The following PRRC2B variants were observed in gnomAD, a reference collection of about 807,000 sequenced individuals.
The protein encoded by PRRC2B is protein PRRC2B.
Under a neutral mutation model 242.3 loss-of-function variants are expected in PRRC2B, and 68 were observed. That is an observed-to-expected ratio of 0.28 (90% CI 0.23 to 0.34). The LOEUF is 0.34. PRRC2B is among the 10% of genes least tolerant of loss of function. The pLI, the probability that PRRC2B is intolerant of heterozygous loss-of-function variation, is 1.00. For synonymous variants in PRRC2B, 1,228 were observed against 1,173.6 expected (o/e 1.05, Z -0.95); for missense variants, 2,835 against 2,954.8 (o/e 0.96, Z 0.94).
intron 11 of PRRC2B, among the ~76,000 whole-genome samples, chr9:131,462,006 C>T (rs1204961366): frequency 6.6e-6 from 1 of 152,182 alleles, no homozygotes; most frequent in Non-Finnish European, 1.5e-5. Flanking sequence ...AATTATTCTG[C>T]AGTTAATCCA....
intron 1 of PRRC2B, among the ~76,000 whole-genome samples, chr9:131,419,752 A>C (rs1033270288): frequency 6.6e-6 from 1 of 151,204 alleles, no homozygotes; most frequent in Non-Finnish European, 1.5e-5. Context: ...CACAGTGTGG[A>C]GTGGAGGCGA....
intron 1 of PRRC2B, among the ~76,000 whole-genome samples, chr9:131,405,230 T>G (rs1276253658): frequency 6.6e-6 from 1 of 151,988 alleles, no homozygotes; most frequent in East Asian, 1.9e-4. Context: ...TTGCTCTGGG[T>G]GTCTTGTTAG....
intron 1 of PRRC2B, among the ~76,000 whole-genome samples, chr9:131,420,474 T>TTTCTTTCTTTCTTTCC (rs1564278551): frequency 1.6e-4 from 2 of 12,162 alleles, no homozygotes; most frequent in African/African-American, 3.5e-4. Flanking sequence ...TCTTTCTTTC[T>TTTCTTTCTTTCTTTCC]TTCTTTCTTT....
chr9:131,402,145 G>A (rs1180427155), intron 1 of PRRC2B, among the ~76,000 whole-genome samples: 1 of 152,062 alleles, frequency 6.6e-6, no homozygotes, highest in African/African-American at 2.4e-5. Context: ...TAGGAGAAAC[G>A]GAGTTTCGCC....
chr9:131,488,072 G>T lies in PRRC2B; in HGVS notation c.6201G>T (p.Gln2067His), dbSNP rs1944077078. The stretch of plus-strand genomic sequence containing the variant: ...AGGCTGCTGGCCTGGGTGCCTCCCA[G>T]ATGTTGGACTCCCAGCTCCCACAGG... Reference protein sequence around the residue: ...LSQAAGLGASQMLDSQLPQLT... With the variant: ...LSQAAGLGASHMLDSQLPQLT... The change falls in exon 28 of 32, where the codon CAG (glutamine) becomes CAT (histidine). Residue 2067 changes from glutamine to histidine, a missense_variant. By Grantham distance (24) the Gln-to-His change is conservative. Coordinates refer to ENST00000683519, the MANE Select transcript of PRRC2B (RefSeq NM_013318.4). 8 of 1,613,250 alleles carry T rather than the reference G, an allele frequency of 5.0e-6. No individual in the cohort carries two copies. Among genetic ancestry groups the T allele is most frequent in the Non-Finnish European group, 6.8e-6 (8 of 1,179,408 alleles).
rs1265808762 is a variant in PRRC2B at position 131,470,864 on chromosome 9, A to G, written c.1988A>G (p.His663Arg). 2 of 1,594,238 alleles carry G rather than the reference A, an allele frequency of 1.3e-6. No homozygotes were observed. Among genetic ancestry groups the G allele is most frequent in the Non-Finnish European group, 1.7e-6 (2 of 1,168,694 alleles). ...PSHPQRTFYPHHPQMLGFDPR... is the reference protein window; with the variant it reads ...PSHPQRTFYPRHPQMLGFDPR... ...CACCCCCAGCGCACCTTTTACCCAC[A>G]CCACCCCCAGATGTTGGGCTTCGAT... The change falls in exon 14 of 32, where the codon CAC becomes CGC. Residue 663 changes from histidine to arginine, a missense_variant. This residue lies in a region of PRRC2B where 1,536 missense variants were observed against 1,483.1 expected (regional missense o/e 1.04). Coordinates refer to ENST00000683519, the MANE Select transcript of PRRC2B (RefSeq NM_013318.4).
intron 28 of PRRC2B, chr9:131,490,700 ATG>A (rs1323511119): frequency 2.2e-6 from 1 of 452,600 alleles, no homozygotes; most frequent in African/African-American, 2.0e-5. Flanking sequence ...TCCTGTCAGC[ATG>A]CTTCAAAGGA....
chr9:131,454,233 T>C (rs946910970), intron 9 of PRRC2B, among the ~76,000 whole-genome samples: 13 of 152,244 alleles, frequency 8.5e-5, no homozygotes, highest in Admixed American at 3.9e-4. Flanking sequence ...AATATTCCAT[T>C]GTGTGGACCT....
intron 23 of PRRC2B, among the ~76,000 whole-genome samples, chr9:131,484,038 T>G (rs1047907839): frequency 6.6e-6 from 1 of 152,222 alleles, no homozygotes; most frequent in African/African-American, 2.4e-5. Flanking sequence ...GTGAGTGCTG[T>G]ACAATATTCA....
intron 3 of PRRC2B, among the ~76,000 whole-genome samples, 161 bp downstream of exon 3, chr9:131,432,955 T>G (rs1838228654): frequency 6.6e-6 from 1 of 152,254 alleles, no homozygotes; most frequent in Admixed American, 6.5e-5. Flanking sequence ...CTGCTTCCTC[T>G]CTGGCCCTGG....
intron 18 of PRRC2B, 30 bp downstream of exon 18, chr9:131,478,649 G>GCCGGGGGC: frequency 4.0e-6 from 2 of 504,562 alleles, no homozygotes; most frequent in Middle Eastern, 6.2e-4. Flanking sequence ...GGGGCATGGG[G>GCCGGGGGC]CTGGAGGGCA....
chr9:131,377,532 C>A (rs773037600), intron 1 of PRRC2B, among the ~76,000 whole-genome samples: 1 of 151,390 alleles, frequency 6.6e-6, no homozygotes, highest in Non-Finnish European at 1.5e-5. Context: ...TGTGTGATGG[C>A]ATTTAAATGT....
chr9:131,381,621 G>A (rs1343632730), intron 1 of PRRC2B, among the ~76,000 whole-genome samples: 1 of 151,926 alleles, frequency 6.6e-6, no homozygotes, highest in Non-Finnish European at 1.5e-5. Context: ...GGGTTTCACC[G>A]TGTTAGCCAG....
At chr9:131,481,585 AG>A (rs1943869482) in intron 19 of PRRC2B, 140 bp from the exon 20 acceptor site, 5 of 659,828 alleles carry the variant, frequency 7.6e-6, no homozygotes, top group Admixed American at 4.6e-5. Context: ...TGTCACGGGT[AG>A]GGGGCTGGGG....
At chr9:131,450,205 C>CT (rs1258504103) in intron 9 of PRRC2B, among the ~76,000 whole-genome samples, 4 of 152,044 alleles carry the variant, frequency 2.6e-5, no homozygotes, top group Admixed American at 2.6e-4. Flanking sequence ...TACAAAGGGC[C>CT]TGCGGGCATT....
intron 1 of PRRC2B, among the ~76,000 whole-genome samples, chr9:131,411,422 C>T (rs1268910224): frequency 1.3e-5 from 2 of 148,538 alleles, no homozygotes; most frequent in Non-Finnish European, 3.0e-5. Context: ...TCTCGGCTCA[C>T]TGCAAGCTCC....
At chr9:131,383,847 T>C (rs1211449365) in intron 1 of PRRC2B, among the ~76,000 whole-genome samples, 1 of 151,938 alleles carries the variant, frequency 6.6e-6, no homozygotes, top group Non-Finnish European at 1.5e-5. Flanking sequence ...GGTCTGGATC[T>C]CTTGACCTCG....
chr9:131,475,406 G>A lies in PRRC2B; in HGVS notation c.3277G>A (p.Val1093Ile), dbSNP rs920810833. 3.8e-6 allele frequency: 6 copies of A among 1,579,558 alleles called. No individual in the cohort carries two copies. The South Asian group carries it at 6.9e-5, about 18-fold the overall frequency. The change falls in exon 16 of 32, where the codon GTC (valine) becomes ATC (isoleucine). Residue 1093 changes from valine to isoleucine, a missense_variant. Val to Ile is a conservative substitution (Grantham distance 29). Coordinates refer to ENST00000683519, the MANE Select transcript of PRRC2B (RefSeq NM_013318.4). ...GNGSGLCGGGVLGARSIYCSS... is the reference protein window; with the variant it reads ...GNGSGLCGGGILGARSIYCSS... The stretch of plus-strand genomic sequence containing the variant: ...TGGGAGCGGCCTCTGTGGTGGGGGG[G>A]TCCTGGGGGCCCGCAGCATCTACTG...
In PRRC2B at chr9:131,464,874, G is replaced by T; in HGVS notation, c.1516G>T (p.Ala506Ser). Reference sequence around the variant, plus strand: ...AGAGATGTCCGAGGCGGTGGAGCGAGCCCGAAAGCGCCGGGAAGAAGAGGA... The same window carrying T: ...AGAGATGTCCGAGGCGGTGGAGCGATCCCGAAAGCGCCGGGAAGAAGAGGA... ...QSEMSEAVER[A>S]RKRREEEERR... Residue 506 changes from alanine (A) to serine (S), a missense_variant, in exon 12 of 32, where the codon GCC becomes TCC. By Grantham distance (99) the Ala-to-Ser change is moderately conservative. Around this residue, in one of 7 missense-constraint regions of PRRC2B, gnomAD observed 626 missense variants for 685.5 expected, o/e 0.91. Coordinates refer to ENST00000683519, the MANE Select transcript of PRRC2B (RefSeq NM_013318.4). 6.2e-7 allele frequency: 1 copy of T among 1,613,672 alleles called. No individual in the cohort carries two copies. Among genetic ancestry groups the T allele is most frequent in the Non-Finnish European group, 8.5e-7 (1 of 1,179,810 alleles).
Sources: allele counts gnomAD v4.1 joint callset (sites outside exome capture counted in the v4.1 genomes callset), GRCh38; gene constraint gnomAD v4.1.1; regional missense constraint gnomAD v4.1.1; transcripts MANE v1.5; gene names NCBI Gene and HGNC (gene_info 2026-07-23, HGNC 2026-07-21).